SPATS2: variants seen among roughly 807,000 people sequenced by gnomAD.
SPATS2 encodes spermatogenesis associated serine rich 2.
SPATS2 carries 38 observed loss-of-function variants against 63.7 expected under a neutral mutation model. The observed-to-expected ratio is 0.60, with a 90% confidence interval of 0.46 to 0.78. The LOEUF (loss-of-function observed/expected upper bound fraction) is 0.78. Ranked by LOEUF, SPATS2 falls within the 30% of genes least tolerant of loss-of-function variation. The pLI is 0.00. For synonymous variants in SPATS2, 207 were observed against 232.9 expected (o/e 0.89, Z 1.01); for missense variants, 588 against 666.2 (o/e 0.88, Z 1.29).
At chr12:49,517,757 G>C (rs961474049) in intron 10 of SPATS2, among the ~76,000 whole-genome samples, 1 of 152,116 alleles carries the variant, frequency 6.6e-6, no homozygotes. Flanking sequence ...TTTGAGTTCT[G>C]CTTATATCTC....
intron 2 of SPATS2, among the ~76,000 whole-genome samples, chr12:49,441,114 T>C (rs1945410627): frequency 6.6e-6 from 1 of 152,224 alleles, no homozygotes; most frequent in South Asian, 2.1e-4. Flanking sequence ...ATTAATTTCT[T>C]TAAATAGTGT....
At chr12:49,467,215 A>ATTTTTTTTTTTTTTTTTT (rs35462676) in intron 3 of SPATS2, among the ~76,000 whole-genome samples, 1 of 119,946 alleles carries the variant, frequency 8.3e-6, no homozygotes, top group Non-Finnish European at 1.7e-5. Flanking sequence ...TGCCTGGCTA[A>ATTTTTTTTTTTTTTTTTT]TTTTTTTTTT....
chr12:49,510,392 A>G (rs1290473738), intron 9 of SPATS2, among the ~76,000 whole-genome samples: 3 of 151,172 alleles, frequency 2.0e-5, no homozygotes, highest in African/African-American at 4.9e-5. Context: ...TGAAACCCCC[A>G]TCTCTACAAA....
chr12:49,418,108 GTT>G (rs760281633), intron 2 of SPATS2, among the ~76,000 whole-genome samples: 12 of 76,046 alleles, frequency 1.6e-4, no homozygotes, highest in African/African-American at 4.6e-4. Context: ...AAATGACTCA[GTT>G]TTTTTTTTTT....
intron 2 of SPATS2, among the ~76,000 whole-genome samples, chr12:49,403,097 GGTGA>G (rs1204309820): frequency 6.6e-6 from 1 of 152,072 alleles, no homozygotes; most frequent in East Asian, 1.9e-4. Context: ...GGATTTTCGT[GGTGA>G]GTAACGTAAA....
chr12:49,377,925 T>C (rs1228783400), intron 2 of SPATS2, among the ~76,000 whole-genome samples: 1 of 152,182 alleles, frequency 6.6e-6, no homozygotes, highest in Non-Finnish European at 1.5e-5. Flanking sequence ...ATGGATGCAG[T>C]AGTAATCCTA....
upstream of SPATS2, chr12:49,367,119 G>C (rs1342982097): frequency 3.2e-5 from 5 of 154,338 alleles, no homozygotes; most frequent in Non-Finnish European, 5.7e-5. Context: ...GTCGGAGCCC[G>C]CCTCTCGCCG....
intron 2 of SPATS2, among the ~76,000 whole-genome samples, chr12:49,434,177 T>C (rs1482959670): frequency 6.6e-6 from 1 of 152,218 alleles, no homozygotes; most frequent in African/African-American, 2.4e-5. Context: ...TTTTGATCAC[T>C]ATAGCTTTGT....
At chr12:49,493,975 G>A (rs145976517) in intron 6 of SPATS2, among the ~76,000 whole-genome samples, 28 of 152,082 alleles carry the variant, frequency 1.8e-4, no homozygotes, top group East Asian at 9.6e-4. Context: ...TTAAGCAGTC[G>A]CCTATTGATC....
intron 4 of SPATS2, among the ~76,000 whole-genome samples, chr12:49,486,837 T>C (rs1222399541): frequency 6.6e-6 from 1 of 152,004 alleles, no homozygotes; most frequent in Non-Finnish European, 1.5e-5. Flanking sequence ...TAGGTGTGCT[T>C]ATTGCTATTG....
rs1325061721 is a variant in SPATS2, at chr12:49,462,048, A to G, written c.25+1011A>G. On this transcript the variant is annotated intron_variant, in intron 3 of 13. Coordinates refer to ENST00000552918, the MANE Select transcript of SPATS2 (RefSeq NM_023071.4). Reference sequence around the variant, plus strand: ...TGTTTTCACCCTGCAAATGAGAAATACTATAGTAAAAATAGGGTTCTGGAA... The same window carrying G: ...TGTTTTCACCCTGCAAATGAGAAATGCTATAGTAAAAATAGGGTTCTGGAA... Among the ~76,000 whole-genome samples, 5 of 152,192 alleles carry G rather than the reference A, an allele frequency of 3.3e-5. 1 individual carries two copies. The highest frequency in any genetic ancestry group is 1.2e-4 in the African/African-American group (5 of 41,442).
At chr12:49,415,034 C>T (rs1944865075) in intron 2 of SPATS2, among the ~76,000 whole-genome samples, 1 of 150,876 alleles carries the variant, frequency 6.6e-6, no homozygotes, top group Admixed American at 6.6e-5. Context: ...CTGCCTCCCG[C>T]ATTCAAGTGA....
intron 2 of SPATS2, among the ~76,000 whole-genome samples, chr12:49,414,872 T>A (rs1944857983): frequency 6.6e-6 from 1 of 151,996 alleles, no homozygotes; most frequent in South Asian, 2.1e-4. Flanking sequence ...GTGCTGGGAT[T>A]TTAGGCATGA....
chr12:49,406,002 C>T (rs1944688373), intron 2 of SPATS2, among the ~76,000 whole-genome samples: 1 of 152,008 alleles, frequency 6.6e-6, no homozygotes, highest in Non-Finnish European at 1.5e-5. Context: ...TTTGTTCTGT[C>T]AGAACAATGC....
At chr12:49,504,442 A>T (rs1353613068) in intron 9 of SPATS2, among the ~76,000 whole-genome samples, 1 of 152,192 alleles carries the variant, frequency 6.6e-6, no homozygotes, top group Non-Finnish European at 1.5e-5. Flanking sequence ...AAGTTTAAGG[A>T]TATTAAGGAG....
At chr12:49,506,196 C>T (rs766379117) in intron 9 of SPATS2, among the ~76,000 whole-genome samples, 178 of 152,168 alleles carry the variant, frequency 1.2e-3, no homozygotes, top group Non-Finnish European at 2.0e-3. Context: ...ATATTAAATG[C>T]ATTATCAACT....
intron 9 of SPATS2, among the ~76,000 whole-genome samples, chr12:49,511,332 A>G (rs1454169407): frequency 6.6e-6 from 1 of 152,234 alleles, no homozygotes; most frequent in Non-Finnish European, 1.5e-5. Flanking sequence ...CAGTCATCCA[A>G]ATCTATCTTT....
intron 4 of SPATS2, among the ~76,000 whole-genome samples, chr12:49,485,067 CTTTT>C (rs1172351346): frequency 1.4e-5 from 2 of 138,146 alleles, no homozygotes; most frequent in Non-Finnish European, 1.6e-5. Flanking sequence ...AGAAATAGGT[CTTTT>C]TTTTTTTTTT....
chr12:49,438,846 T>G (rs529076085), intron 2 of SPATS2, among the ~76,000 whole-genome samples: 1 of 152,336 alleles, frequency 6.6e-6, no homozygotes, highest in East Asian at 1.9e-4. Context: ...CTATCTGCTA[T>G]GTGCCCGGTA....
Sources: allele counts gnomAD v4.1 joint callset (sites outside exome capture counted in the v4.1 genomes callset), GRCh38; gene constraint gnomAD v4.1.1; transcripts MANE v1.5; gene names NCBI Gene and HGNC (gene_info 2026-07-23, HGNC 2026-07-21).